Variants in ERG observed in about 807,000 individuals in gnomAD.
ERG encodes transcriptional regulator ERG.
ERG carries 9 observed loss-of-function variants against 55.3 expected under a neutral mutation model. The observed-to-expected ratio is 0.16, with a 90% CI of 0.10 to 0.28. ERG has a LOEUF of 0.28. Among genes scored for constraint, ERG ranks in the 10% least tolerant of loss-of-function variants. ERG has a pLI of 1.00. For synonymous variants in ERG, 223 were observed against 237.3 expected, an observed-to-expected ratio of 0.94 and a Z score of 0.55; for missense variants, 434 against 631.6, an observed-to-expected ratio of 0.69 and a Z score of 3.35.
rs541253310 is a variant in ERG at position 38,544,422 on chromosome 21, C to T, written c.-41+31240G>A. ...ATTAGGAAAGCAGAGTCATGATCCA[C>T]GCACAGGATCACGGTGACTTGGACC... On this transcript the variant is annotated intron_variant, in intron 2 of 8. Transcript: ENST00000398897. Among the ~76,000 whole-genome samples the T allele has an allele frequency of 5.3e-5, 8 of 152,242 alleles. No homozygotes were observed. In the South Asian group the frequency reaches 8.3e-4, roughly 16 times the overall value.
At chr21:38,472,151 C>G (rs1790113436) in intron 1 of ERG, 1 of 152,016 alleles carries the variant, frequency 6.6e-6, no homozygotes, top group Admixed American at 6.6e-5. Flanking sequence ...CCTAGAACAA[C>G]TCCTGGCACA....
chr21:38,446,226 C>CAAAAA (rs71184626), intron 1 of ERG, among the ~76,000 whole-genome samples: 1 of 63,596 alleles, frequency 1.6e-5, no homozygotes, highest in African/African-American at 7.6e-5. Context: ...ATAAATGAAC[C>CAAAAA]AAAAAAAAAA....
chr21:38,512,859 G>A (rs149291173), intron 2 of ERG, among the ~76,000 whole-genome samples: 98 of 152,254 alleles, frequency 6.4e-4, no homozygotes, highest in African/African-American at 2.3e-3. Flanking sequence ...CGGGCCAGGC[G>A]CAGTGGCTCA....
chr21:38,412,366 T>A lies in ERG; in HGVS notation c.389-8657A>T, dbSNP rs186299370. ...ACATTCTAGTTCTCTTTCCTGTTAA[T>A]CTTTAAACAAAATCTAAGTTTAATT... is the stretch of plus-strand genomic sequence containing the variant. On this transcript the variant is annotated intron_variant, in intron 3 of 9. Coordinates refer to ENST00000288319, the MANE Select transcript of ERG (RefSeq NM_182918.4). 3.3e-5 allele frequency among the ~76,000 whole-genome samples: 5 copies of A among 152,330 alleles called. No individual in the cohort carries two copies. The East Asian group carries it at 9.6e-4, about 29-fold the overall frequency.
chr21:38,510,303 G>A (rs183553592), intron 2 of ERG, among the ~76,000 whole-genome samples: 1 of 152,344 alleles, frequency 6.6e-6, no homozygotes, highest in East Asian at 1.9e-4. Context: ...TGAGATACTG[G>A]ATTCCACATT....
chr21:38,540,832 A>G (rs2146794581), intron 2 of ERG, among the ~76,000 whole-genome samples: 1 of 152,312 alleles, frequency 6.6e-6, no homozygotes, highest in African/African-American at 2.4e-5. Flanking sequence ...AAGTATATGG[A>G]CATTTTGGGG....
chr21:38,516,535 C>G (rs182116454), intron 2 of ERG, among the ~76,000 whole-genome samples: 1 of 152,046 alleles, frequency 6.6e-6, no homozygotes, highest in Admixed American at 6.5e-5. Context: ...AATGACCACA[C>G]CACCCAAATA....
the ERG span, among the ~76,000 whole-genome samples, chr21:38,368,780 C>A: frequency 6.6e-6 from 1 of 152,160 alleles, no homozygotes; most frequent in Admixed American, 6.5e-5. Flanking sequence ...CCTCCCCGCT[C>A]TGAAAGGCCC....
At chr21:38,448,228 A>C (rs1303922399) in intron 1 of ERG, among the ~76,000 whole-genome samples, 1 of 152,244 alleles carries the variant, frequency 6.6e-6, no homozygotes, top group African/African-American at 2.4e-5. Context: ...ATTGAGATCG[A>C]TTTAGGAAGG....
intron 2 of ERG, among the ~76,000 whole-genome samples, chr21:38,439,002 G>A (rs879888374): frequency 3.3e-5 from 5 of 152,216 alleles, no homozygotes; most frequent in Admixed American, 6.5e-5. Flanking sequence ...CCCACGCTGA[G>A]AATCACCACA....
At chr21:38,556,574 C>G (rs529316435) in intron 2 of ERG, among the ~76,000 whole-genome samples, 23 of 152,094 alleles carry the variant, frequency 1.5e-4, no homozygotes, top group Non-Finnish European at 2.5e-4. Context: ...ACTATATTTA[C>G]CAGCCTCCTT....
chr21:38,422,243 AC>A (rs536664166), intron 3 of ERG, among the ~76,000 whole-genome samples: 78 of 152,378 alleles, frequency 5.1e-4, no homozygotes, highest in African/African-American at 1.8e-3. Context: ...GGCTGAGCTG[AC>A]GCCAAATTCA....
At chr21:38,529,015 C>A (rs7281004) in intron 2 of ERG, among the ~76,000 whole-genome samples, 1 of 151,966 alleles carries the variant, frequency 6.6e-6, no homozygotes, top group South Asian at 2.1e-4. Flanking sequence ...AGGGAGCACA[C>A]GGGCCCTGAG....
At chr21:38,499,831 G>T (rs775120755), upstream of ERG, among the ~76,000 whole-genome samples, 8 of 143,468 alleles carry the variant, frequency 5.6e-5, no homozygotes, top group Non-Finnish European at 9.1e-5. Flanking sequence ...AAGGAAGGAG[G>T]ATGGGAGGAA....
intron 2 of ERG, among the ~76,000 whole-genome samples, chr21:38,567,136 A>ACATG (rs1316706678): frequency 6.6e-6 from 1 of 152,150 alleles, no homozygotes; most frequent in Non-Finnish European, 1.5e-5. Context: ...CCTGCTGCAC[A>ACATG]CATGCTGAAC....
At chr21:38,573,421 T>C (rs1225113819) in intron 2 of ERG, among the ~76,000 whole-genome samples, 4 of 152,208 alleles carry the variant, frequency 2.6e-5, no homozygotes, top group Admixed American at 6.5e-5. Flanking sequence ...AAAACCCAAT[T>C]GTACATTTGT....
At chr21:38,489,906 T>C (rs1999326) in intron 1 of ERG, among the ~76,000 whole-genome samples, 134,479 of 152,284 alleles carry the variant, frequency 0.88, 59,522 homozygotes, top group Middle Eastern at 0.94. Context: ...CCTTGTTGTC[T>C]TTTGTGTTTT....
At chr21:38,514,150 C>A (rs2059534586) in intron 2 of ERG, among the ~76,000 whole-genome samples, 1 of 150,440 alleles carries the variant, frequency 6.6e-6, no homozygotes, top group Non-Finnish European at 1.5e-5. Flanking sequence ...AAGGACAACT[C>A]CAAAAATAAA....
At chr21:38,457,360 TG>T (rs2058999840) in intron 1 of ERG, among the ~76,000 whole-genome samples, 1 of 151,180 alleles carries the variant, frequency 6.6e-6, no homozygotes, top group African/African-American at 2.4e-5. Flanking sequence ...CGCTTGAACC[TG>T]GGGGACAGAG....
Sources: allele counts gnomAD v4.1 joint callset (sites outside exome capture counted in the v4.1 genomes callset), GRCh38; gene constraint gnomAD v4.1.1; transcripts MANE v1.5; gene names NCBI Gene and HGNC (gene_info 2026-07-23, HGNC 2026-07-21).